Variants in APPL2 observed in about 807,000 individuals in gnomAD.
APPL2 encodes the protein DCC-interacting protein 13-beta.
A neutral mutation model predicts 92.7 loss-of-function variants in APPL2; 84 were observed. That is an observed-to-expected ratio of 0.91 (90% confidence interval 0.76 to 1.09). The LOEUF (loss-of-function observed/expected upper bound fraction) is 1.09, where lower values mean the gene tolerates loss of function less well. Ranked by LOEUF, APPL2 falls within the 50% of genes least tolerant of loss-of-function variation. The pLI is 0.00. For synonymous variants in APPL2, 291 were observed against 291.0 expected (o/e 1.00, Z 0.00); for missense variants, 736 against 824.5 (o/e 0.89, Z 1.31).
chr12:105,201,950 C>G (rs1398984640), intron 9 of APPL2, among the ~76,000 whole-genome samples: 2 of 152,164 alleles, frequency 1.3e-5, no homozygotes, highest in Non-Finnish European at 2.9e-5. Flanking sequence ...TGCACAGCTT[C>G]AGGGCCACCA....
intron 2 of APPL2, among the ~76,000 whole-genome samples, chr12:105,222,662 C>T (rs1028061212): frequency 2.0e-5 from 3 of 152,138 alleles, no homozygotes; most frequent in South Asian, 2.1e-4. Context: ...CTGCTACCTA[C>T]CAAACACTGA....
intron 18 of APPL2, 33 bp from the exon 19 acceptor site, chr12:105,177,049 C>A (rs767224181): frequency 1.2e-6 from 2 of 1,612,744 alleles, no homozygotes; most frequent in African/African-American, 1.3e-5. Flanking sequence ...ACAGATCATA[C>A]AACTACTAGA....
intron 1 of APPL2, chr12:105,229,663 T>A: frequency 2.0e-6 from 2 of 989,080 alleles, no homozygotes; most frequent in Non-Finnish European, 2.4e-6. Flanking sequence ...TGTAGTGTGA[T>A]CATCCCAGCA....
intron 5 of APPL2, among the ~76,000 whole-genome samples, chr12:105,210,024 G>A (rs111278442): frequency 2.2e-3 from 330 of 151,962 alleles, no homozygotes; most frequent in African/African-American, 7.6e-3. Flanking sequence ...GCAGTGGCGC[G>A]ATCTCGGCTC....
At position 105,229,139 on chromosome 12, in the gene APPL2, C is replaced by T. The variant is rs200781904; in HGVS notation, c.139G>A (p.Val47Ile). The T allele has an allele frequency of 2.1e-4, 337 of 1,611,950 alleles. 3 individuals are homozygous for T. In the South Asian group the frequency reaches 2.8e-3, roughly 13 times the overall value. Residue 47 changes from valine to isoleucine, a missense_variant, in exon 2 of 21, where the codon GTC becomes ATC. Physicochemically the swap from Val to Ile is conservative, Grantham distance 29 (BLOSUM62 3). Transcript: ENST00000258530. ...TGGCAGCATACCTGGGCTCCATAGA[C>T]GCGCTGCATTGCCTGGAGCAGCTGG... The part of the protein sequence containing the change: ...TNQLLQAMQR[V>I]YGAQNEMCLA...
intron 4 of APPL2, among the ~76,000 whole-genome samples, chr12:105,214,388 C>T (rs1428067965): frequency 6.6e-6 from 1 of 152,170 alleles, no homozygotes; most frequent in African/African-American, 2.4e-5. Flanking sequence ...GGAGTGTAGT[C>T]TATTGCTTCT....
chr12:105,175,974 TG>T, intron 20 of APPL2, 60 bp downstream of exon 20: 1 of 1,422,156 alleles, frequency 7.0e-7, no homozygotes. Flanking sequence ...AAAAGACTCT[TG>T]GTATGTGTAC....
intron 2 of APPL2, among the ~76,000 whole-genome samples, chr12:105,223,283 C>T (rs550897358): frequency 7.2e-5 from 11 of 152,094 alleles, no homozygotes; most frequent in Admixed American, 1.3e-4. Context: ...AACGTTGTTT[C>T]GAATAAAGAC....
At chr12:105,193,484 G>T (rs1887398671) in intron 14 of APPL2, among the ~76,000 whole-genome samples, 1 of 152,150 alleles carries the variant, frequency 6.6e-6, no homozygotes, top group Admixed American at 6.5e-5. Flanking sequence ...CTGCAGGTCT[G>T]GTATTCCCTC....
At chr12:105,231,943 G>A (rs1392965991) in intron 1 of APPL2, among the ~76,000 whole-genome samples, 2 of 152,152 alleles carry the variant, frequency 1.3e-5, no homozygotes, top group Non-Finnish European at 2.9e-5. Flanking sequence ...CATAAAGAAG[G>A]AATGAGACCA....
Position 105,183,553 on chromosome 12 carries a change from A to G in APPL2, c.1634+4720T>C, listed in dbSNP as rs187165366. Among the ~76,000 whole-genome samples, 4 of 152,270 alleles carry G rather than the reference A, an allele frequency of 2.6e-5. No homozygotes were observed. The South Asian group carries it at 8.3e-4, about 32-fold the overall frequency. On this transcript the variant is annotated intron_variant, in intron 17 of 20. Coordinates refer to ENST00000258530, the MANE Select transcript of APPL2 (RefSeq NM_018171.5). ...CTGGATATGAAATTCTGGGTTGAAAATTCTTTTCCTTAAGAATGTTAAATG... is the reference window on the plus strand; with the variant it reads ...CTGGATATGAAATTCTGGGTTGAAAGTTCTTTTCCTTAAGAATGTTAAATG...
intron 2 of APPL2, among the ~76,000 whole-genome samples, chr12:105,223,179 G>A (rs762311439): frequency 1.3e-5 from 2 of 152,196 alleles, no homozygotes; most frequent in East Asian, 3.9e-4. Flanking sequence ...GCGGTGTGGA[G>A]GAAGAATGAA....
intron 17 of APPL2, among the ~76,000 whole-genome samples, chr12:105,179,601 G>A (rs1885911918): frequency 6.6e-6 from 1 of 152,088 alleles, no homozygotes; most frequent in Non-Finnish European, 1.5e-5. Context: ...ATTCCCAGCA[G>A]TATAAAAGCG....
At chr12:105,226,730 T>G (rs1004605532) in intron 2 of APPL2, among the ~76,000 whole-genome samples, 3 of 152,254 alleles carry the variant, frequency 2.0e-5, no homozygotes, top group Non-Finnish European at 4.4e-5. Flanking sequence ...CCTGTTTTCT[T>G]AAATCTAGAA....
chr12:105,187,593 G>A (rs964447943), intron 17 of APPL2, among the ~76,000 whole-genome samples: 1 of 152,056 alleles, frequency 6.6e-6, no homozygotes, highest in Admixed American at 6.5e-5. Flanking sequence ...TTTTTCCAGC[G>A]GCCACATTAA....
chr12:105,216,569 C>T (rs921083143), intron 4 of APPL2, among the ~76,000 whole-genome samples: 20 of 152,204 alleles, frequency 1.3e-4, no homozygotes, highest in Admixed American at 4.6e-4. Context: ...AGAGGAAAAA[C>T]ATGGGGGGTA....
intron 14 of APPL2, among the ~76,000 whole-genome samples, chr12:105,193,405 G>GACTT (rs1400578062): frequency 1.3e-5 from 2 of 152,174 alleles, no homozygotes; most frequent in African/African-American, 4.8e-5. Flanking sequence ...AGCATTTACT[G>GACTT]ACTTACTCAG....
At chr12:105,235,131 T>C (rs1891153645) in intron 1 of APPL2, among the ~76,000 whole-genome samples, 1 of 152,166 alleles carries the variant, frequency 6.6e-6, no homozygotes, top group South Asian at 2.1e-4. Context: ...GGCACTTATT[T>C]AAATAAACCC....
chr12:105,202,207 G>T (rs117549666), intron 9 of APPL2, among the ~76,000 whole-genome samples: 3 of 152,206 alleles, frequency 2.0e-5, no homozygotes, highest in Admixed American at 6.5e-5. Context: ...TCAGACAGAG[G>T]GGGTAACTCA....
Sources: allele counts gnomAD v4.1 joint callset (sites outside exome capture counted in the v4.1 genomes callset), GRCh38; gene constraint gnomAD v4.1.1; transcripts MANE v1.5; gene names NCBI Gene and HGNC (gene_info 2026-07-23, HGNC 2026-07-21).